Variants in ARHGAP31 observed in about 807,000 individuals in gnomAD.
The protein encoded by ARHGAP31 is Rho GTPase activating protein 31.
In ARHGAP31, 34 loss-of-function variants were observed where a neutral mutation model predicts 113.9. That is an observed-to-expected ratio of 0.30 (90% CI 0.23 to 0.40). ARHGAP31 has a LOEUF of 0.40. ARHGAP31 is among the 10% of genes least tolerant of loss of function. ARHGAP31 has a pLI of 1.00. For synonymous variants in ARHGAP31, 650 were observed against 684.8 expected (o/e 0.95, Z 0.79); for missense variants, 1,548 against 1,767.1 (o/e 0.88, Z 2.22).
Position 119,385,512 on chromosome 3 carries a change from T to C in ARHGAP31, c.682+2286T>C, listed in dbSNP as rs534597113. Among the ~76,000 whole-genome samples the C allele has an allele frequency of 5.9e-5, 9 of 152,294 alleles. 1 individual carries two copies. Among genetic ancestry groups the C allele is most frequent in the African/African-American group, 2.2e-4 (9 of 41,568 alleles). Reference sequence around the variant, plus strand: ...TTATTTCAACTCTCCAGTTATAGATTTTTTTCTTTTAAACTATATAAAAAC... The same window carrying C: ...TTATTTCAACTCTCCAGTTATAGATCTTTTTCTTTTAAACTATATAAAAAC... On this transcript the variant is annotated intron_variant, in intron 6 of 11. Coordinates refer to ENST00000264245, the MANE Select transcript of ARHGAP31 (RefSeq NM_020754.4).
rs76577892 is a variant in ARHGAP31 at position 119,296,588 on chromosome 3, G to A, written c.100+1584G>A. On this transcript the variant is annotated intron_variant, in intron 1 of 11. Coordinates refer to ENST00000264245, the MANE Select transcript of ARHGAP31 (RefSeq NM_020754.4). ...TCTGGCCCCTCCCTCAAATCTGTGAGAGTTGCATAGGGGTGCTTGCCAGCC... is the reference window on the plus strand; with the variant it reads ...TCTGGCCCCTCCCTCAAATCTGTGAAAGTTGCATAGGGGTGCTTGCCAGCC... 6.3e-3 allele frequency among the ~76,000 whole-genome samples: 952 copies of A among 152,286 alleles called. 15 individuals carry two copies. The East Asian group carries it at 0.063, about 10-fold the overall frequency.
chr3:119,322,052 G>A (rs999555394), intron 1 of ARHGAP31, among the ~76,000 whole-genome samples: 6 of 152,204 alleles, frequency 3.9e-5, no homozygotes, highest in African/African-American at 9.7e-5. Flanking sequence ...AGCCCACAGT[G>A]AATATTGTGA....
At chr3:119,351,662 C>T (rs1280661721) in intron 1 of ARHGAP31, among the ~76,000 whole-genome samples, 1 of 152,014 alleles carries the variant, frequency 6.6e-6, no homozygotes, top group East Asian at 1.9e-4. Flanking sequence ...AAAAAATTTA[C>T]ATTGTCCTCA....
At chr3:119,332,447 A>ACCT (rs1183698850) in intron 1 of ARHGAP31, among the ~76,000 whole-genome samples, 1 of 151,670 alleles carries the variant, frequency 6.6e-6, no homozygotes, top group Non-Finnish European at 1.5e-5. Context: ...TGATCCACCC[A>ACCT]CCTCGGCCTC....
intron 1 of ARHGAP31, among the ~76,000 whole-genome samples, chr3:119,337,910 C>G (rs2079972952): frequency 6.6e-6 from 1 of 152,184 alleles, no homozygotes; most frequent in African/African-American, 2.4e-5. Context: ...AGAAGCCCAG[C>G]CGGCTTCACC....
chr3:119,327,581 A>G (rs2079857048), intron 1 of ARHGAP31, among the ~76,000 whole-genome samples: 1 of 152,100 alleles, frequency 6.6e-6, no homozygotes, highest in Non-Finnish European at 1.5e-5. Flanking sequence ...AAAATAAATT[A>G]CAACATCCTC....
At chr3:119,307,453 A>T (rs1255430063) in intron 1 of ARHGAP31, among the ~76,000 whole-genome samples, 1 of 152,228 alleles carries the variant, frequency 6.6e-6, no homozygotes, top group Non-Finnish European at 1.5e-5. Context: ...GAAAGCTGAG[A>T]ACAAATATTC....
chr3:119,339,504 C>T (rs1157774942), intron 1 of ARHGAP31, among the ~76,000 whole-genome samples: 4 of 151,996 alleles, frequency 2.6e-5, no homozygotes, highest in Non-Finnish European at 5.9e-5. Context: ...GTATTGAGGC[C>T]TAGTATATAG....
chr3:119,412,391 CAAA>C (rs55718610), intron 11 of ARHGAP31, among the ~76,000 whole-genome samples: 1 of 127,172 alleles, frequency 7.9e-6, no homozygotes, highest in Non-Finnish European at 1.7e-5. Flanking sequence ...TCTTTTGTCT[CAAA>C]AAAAAAAAAA....
chr3:119,402,097 A>G lies in ARHGAP31; in HGVS notation c.1345A>G (p.Lys449Glu), dbSNP rs755685725. 1.4e-5 allele frequency: 23 copies of G among 1,614,060 alleles called. No homozygotes were observed. Among genetic ancestry groups the G allele is most frequent in the East Asian group, 4.5e-5 (2 of 44,898 alleles). Residue 449 changes from lysine to glutamate, a missense_variant, in exon 10 of 12, where the codon AAG becomes GAG. Transcript: ENST00000264245. ...TCCGGAGAGCGAGCAAACAGCCCCA[A>G]AGATGTTGGGTATGTTCTACACTTC... ...EDPESEQTAP[K>E]MLGMFYTSND...
chr3:119,354,678 A>ATTTTTTT (rs762067141), intron 1 of ARHGAP31, among the ~76,000 whole-genome samples: 1 of 127,250 alleles, frequency 7.9e-6, no homozygotes, highest in African/African-American at 3.0e-5. Flanking sequence ...TGCCGGGCTA[A>ATTTTTTT]TTTTTTTTTT....
At chr3:119,373,551 C>T (rs1351174007) in intron 3 of ARHGAP31, among the ~76,000 whole-genome samples, 3 of 152,098 alleles carry the variant, frequency 2.0e-5, no homozygotes, top group African/African-American at 7.2e-5. Context: ...GCAGCCTCCC[C>T]CACCCGGGTT....
chr3:119,383,995 G>T (rs2080426027), intron 6 of ARHGAP31, among the ~76,000 whole-genome samples: 1 of 152,192 alleles, frequency 6.6e-6, no homozygotes, highest in Non-Finnish European at 1.5e-5. Context: ...TTTGGAGTGT[G>T]GCTGATAATT....
At position 119,383,119 on chromosome 3, in the gene ARHGAP31, A is replaced by G. The variant is rs758387698; in HGVS notation, c.575A>G (p.Asp192Gly). The G allele has an allele frequency of 1.9e-6, 3 of 1,614,176 alleles. No individual in the cohort carries two copies. The part of the protein sequence containing the change: ...KEIEATGCNG[D>G]AAFLAVRVQQ... Reference sequence around the variant, plus strand: ...ATTGAAGCCACTGGTTGCAATGGAGATGCAGCCTTCCTTGCAGTCCGGGTC... The same window carrying G: ...ATTGAAGCCACTGGTTGCAATGGAGGTGCAGCCTTCCTTGCAGTCCGGGTC... The change falls in exon 6 of 12, where the codon GAT becomes GGT. Residue 192 changes from aspartate (D) to glycine (G), a missense_variant. Coordinates refer to ENST00000264245, the MANE Select transcript of ARHGAP31 (RefSeq NM_020754.4).
At chr3:119,343,849 GT>G in intron 1 of ARHGAP31, among the ~76,000 whole-genome samples, 2 of 152,336 alleles carry the variant, frequency 1.3e-5, no homozygotes, top group South Asian at 4.1e-4. Flanking sequence ...CCAATGGGAA[GT>G]TTGGCTCCCT....
At chr3:119,374,580 G>A (rs528802284) in intron 3 of ARHGAP31, among the ~76,000 whole-genome samples, 146 of 152,288 alleles carry the variant, frequency 9.6e-4, no homozygotes, top group African/African-American at 3.4e-3. Context: ...GATCGTGGGG[G>A]CAGTTTTCCC....
At chr3:119,358,759 G>C (rs2080180335) in intron 1 of ARHGAP31, among the ~76,000 whole-genome samples, 1 of 152,150 alleles carries the variant, frequency 6.6e-6, no homozygotes, top group Non-Finnish European at 1.5e-5. Flanking sequence ...CATATTTTAA[G>C]ATCTCATTTA....
rs752378405 is a variant in ARHGAP31, at chr3:119,413,971, C to G, written c.2042C>G (p.Pro681Arg). The G allele has an allele frequency of 6.2e-6, 10 of 1,614,078 alleles. No homozygotes were observed. The African/African-American group carries it at 1.3e-4, about 22-fold the overall frequency. The change falls in exon 12 of 12, where the codon CCA becomes CGA. Residue 681 changes from proline (P) to arginine (R), a missense_variant. Physicochemically the swap from Pro to Arg is moderately radical, Grantham distance 103. Transcript: ENST00000264245. ...CCACCTCCTGCTCTGAAGACCAGCC[C>G]AATTCAGCCTATTCTCGAGTCGAGT... ...SLPPPALKTS[P>R]IQPILESSLG... is the part of the protein sequence containing the mutation.
chr3:119,333,554 T>A (rs1212693744), intron 1 of ARHGAP31, among the ~76,000 whole-genome samples: 2 of 152,252 alleles, frequency 1.3e-5, no homozygotes, highest in East Asian at 1.9e-4. Context: ...TACTTTATTA[T>A]CATATTAGAG....
Sources: allele counts gnomAD v4.1 joint callset (sites outside exome capture counted in the v4.1 genomes callset), GRCh38; gene constraint gnomAD v4.1.1; transcripts MANE v1.5; gene names NCBI Gene and HGNC (gene_info 2026-07-23, HGNC 2026-07-21).